Variants in ALDH3B1 observed in about 807,000 individuals in gnomAD.
ALDH3B1 encodes aldehyde dehydrogenase 3 family member B1, also known as aldehyde dehydrogenase family 3 member B1.
A neutral mutation model predicts 46.2 loss-of-function variants in ALDH3B1; 37 were observed. That is an observed-to-expected ratio of 0.80 (90% confidence interval 0.62 to 1.05). ALDH3B1 has a LOEUF of 1.05. Among genes scored for constraint, ALDH3B1 ranks in the 50% least tolerant of loss-of-function variants. The probability of loss-of-function intolerance (pLI) is 0.00; values close to 1 mark genes in which losing one functional copy is unlikely to be tolerated. For synonymous variants in ALDH3B1, 283 were observed against 281.0 expected (o/e 1.01, Z -0.07); for missense variants, 603 against 665.5 (o/e 0.91, Z 1.03).
Position 68,022,543 on chromosome 11 carries a change from G to T in ALDH3B1, c.950-52G>T, listed in dbSNP as rs1857525040. On this transcript the variant is annotated intron_variant, in intron 7 of 9. Transcript: ENST00000342456. ...CTGTCCCCACCTCTACCCCCACCCT[G>T]GGGGCGGTCCTGACTGTGGCCCCAG... 12 of 1,562,052 alleles carry T rather than the reference G, an allele frequency of 7.7e-6. No individual in the cohort carries two copies. The South Asian group carries it at 1.4e-4, about 18-fold the overall frequency.
intron 8 of ALDH3B1, 71 bp from the exon 9 acceptor site, chr11:68,025,938 G>A (rs1857611322): frequency 4.3e-6 from 5 of 1,169,370 alleles, no homozygotes; most frequent in Non-Finnish European, 5.9e-6. Flanking sequence ...GTCCAGCATG[G>A]AACAGGCTCT....
chr11:68,020,536 C>T (rs868522420), intron 6 of ALDH3B1, among the ~76,000 whole-genome samples: 1 of 152,162 alleles, frequency 6.6e-6, no homozygotes, highest in African/African-American at 2.4e-5. Context: ...CACCCGGCTT[C>T]GAGTTTTTGA....
At position 68,015,479 on chromosome 11, in the gene ALDH3B1, A is replaced by G; in HGVS notation, c.162+20A>G. On this transcript the variant is annotated intron_variant, in intron 2 of 9. Transcript: ENST00000342456. ...CACAAGGTGGGCTGGGGTTGGGGGT[A>G]TGAGAGGGTGCACTGGGGCAGGGGG... 6.4e-7 allele frequency: 1 copy of G among 1,565,152 alleles called. No individual in the cohort carries two copies. Among genetic ancestry groups the G allele is most frequent in the Non-Finnish European group, 8.7e-7 (1 of 1,155,248 alleles).
intron 8 of ALDH3B1, among the ~76,000 whole-genome samples, chr11:68,023,769 C>T (rs1050088173): frequency 1.3e-5 from 2 of 151,488 alleles, no homozygotes; most frequent in African/African-American, 4.8e-5. Flanking sequence ...GGGCTGGGCG[C>T]GGTGGCTCAC....
At position 68,015,465 on chromosome 11, in the gene ALDH3B1, C is replaced by A. The variant is rs749823581; in HGVS notation, c.162+6C>A. On this transcript the variant is annotated splice_donor_region_variant and intron_variant, in intron 2 of 9. Coordinates refer to ENST00000342456, the MANE Select transcript of ALDH3B1 (RefSeq NM_000694.4). ...TGGCCCAGGACCTGCACAAGGTGGG[C>A]TGGGGTTGGGGGTATGAGAGGGTGC... The A allele has an allele frequency of 1.3e-6, 2 of 1,567,786 alleles. No homozygotes were observed. Among genetic ancestry groups the A allele is most frequent in the Admixed American group, 1.9e-5 (1 of 53,084 alleles).
intron 8 of ALDH3B1, among the ~76,000 whole-genome samples, chr11:68,025,682 C>T (rs1285473236): frequency 6.6e-6 from 1 of 152,182 alleles, no homozygotes; most frequent in African/African-American, 2.4e-5. Flanking sequence ...CTGTCCAGTA[C>T]TGCCCTGCTG....
Position 68,015,475 on chromosome 11 carries a change from G to A in ALDH3B1, c.162+16G>A. On this transcript the variant is annotated intron_variant, in intron 2 of 9. Transcript: ENST00000342456. ...CCTGCACAAGGTGGGCTGGGGTTGG[G>A]GGTATGAGAGGGTGCACTGGGGCAG... 1 of 1,566,650 alleles carries A rather than the reference G, an allele frequency of 6.4e-7. No individual in the cohort carries two copies. Among genetic ancestry groups the A allele is most frequent in the Non-Finnish European group, 8.6e-7 (1 of 1,156,174 alleles).
chr11:68,019,924 G>T (rs1857450725), intron 6 of ALDH3B1, 128 bp downstream of exon 6: 4 of 1,075,964 alleles, frequency 3.7e-6, no homozygotes, highest in Non-Finnish European at 4.1e-6. Flanking sequence ...GGACCAGGCT[G>T]GGAGCAGTCC....
Position 68,021,341 on chromosome 11 carries a change from G to A in ALDH3B1, c.563-144G>A, listed in dbSNP as rs1304369208. On this transcript the variant is annotated intron_variant, in intron 6 of 9. Coordinates refer to ENST00000342456, the MANE Select transcript of ALDH3B1 (RefSeq NM_000694.4). ...TGAGCAGGGCCCTGGGCTGCAGGGT[G>A]GCAGTGAGGAACAAGGAAAGGCCAG... The A allele has an allele frequency of 7.4e-6, 9 of 1,218,304 alleles. No individual in the cohort carries two copies. In the East Asian group the frequency reaches 1.9e-4, roughly 26 times the overall value. The allele number at this position is 1,218,304 out of a possible 1,614,324, so 75.5% of individuals were successfully genotyped here. A position where few individuals can be genotyped will look rare whatever the true frequency, so the allele number is the denominator to read the frequency against.
chr11:68,023,606 C>A (rs1857555962), intron 8 of ALDH3B1, among the ~76,000 whole-genome samples: 1 of 151,944 alleles, frequency 6.6e-6, no homozygotes, highest in African/African-American at 2.4e-5. Flanking sequence ...TGCCCGGCCA[C>A]TTGAACTTTT....
intron 8 of ALDH3B1, among the ~76,000 whole-genome samples, chr11:68,022,995 C>A (rs1436113856): frequency 6.6e-6 from 1 of 152,214 alleles, no homozygotes; most frequent in East Asian, 1.9e-4. Flanking sequence ...GGGTATGGGC[C>A]TTCTCTAGGG....
chr11:68,015,546 C>G, intron 2 of ALDH3B1, 87 bp downstream of exon 2: 1 of 1,522,422 alleles, frequency 6.6e-7, no homozygotes, highest in African/African-American at 1.4e-5. Flanking sequence ...AAGACACCTG[C>G]GCCCTCCATG....
intron 8 of ALDH3B1, chr11:68,024,718 T>C (rs1444423276): frequency 6.6e-6 from 1 of 152,256 alleles, no homozygotes; most frequent in Non-Finnish European, 1.5e-5. Context: ...CGAAGCATAG[T>C]CTTAGCTGGA....
intron 1 of ALDH3B1, among the ~76,000 whole-genome samples, chr11:68,012,643 A>G (rs1857257494): frequency 6.6e-6 from 1 of 152,134 alleles, no homozygotes; most frequent in African/African-American, 2.4e-5. Flanking sequence ...GGCCGAGGAA[A>G]TGGAATCCAA....
chr11:68,018,571 C>T lies in ALDH3B1; in HGVS notation c.207C>T (p.Gly69=), dbSNP rs1396747657. The part of the protein sequence containing the change: ...SEVSEVAISQ[G]EVTLALRNLR... ...TGTCTGAGGTTGCCATCAGCCAGGG[C>T]GAGGTCACCCTGGCCCTCAGGAACC... is the stretch of plus-strand genomic sequence containing the variant. Residue 69 remains glycine, a synonymous_variant, in exon 3 of 10, where the codon GGC becomes GGT. Transcript: ENST00000342456. 3.2e-6 allele frequency: 5 copies of T among 1,584,228 alleles called. No homozygotes were observed. In the Admixed American group the frequency reaches 5.4e-5, roughly 17 times the overall value.
Position 68,022,679 on chromosome 11 carries a change from T to C in ALDH3B1, c.1034T>C (p.Val345Ala). The C allele has an allele frequency of 1.9e-6, 3 of 1,614,152 alleles. No homozygotes were observed. Among genetic ancestry groups the C allele is most frequent in the Non-Finnish European group, 2.5e-6 (3 of 1,180,004 alleles). The change falls in exon 8 of 10, where the codon GTG becomes GCG. Residue 345 changes from valine (V) to alanine (A), a missense_variant. Val to Ala is a moderately conservative substitution (Grantham distance 64, BLOSUM62 0). Coordinates refer to ENST00000342456, the MANE Select transcript of ALDH3B1 (RefSeq NM_000694.4). ...GGGCCCATCCTGCCCATCGTGAACG[T>C]GCAGAGCTTGGACGAGGCCATCGAG... ...IFGPILPIVNVQSLDEAIEFI... is the reference protein window; with the variant it reads ...IFGPILPIVNAQSLDEAIEFI...
rs761740175 is a variant in ALDH3B1 at position 68,028,263 on chromosome 11, G to A, written c.*324G>A. ...CTGAGTCACCCCTCTCCTGTGGAGC[G>A]GGCGTCCGAGGGGCCCTGGCATCTG... On this transcript the variant is annotated 3_prime_UTR_variant, in exon 10 of 10. Transcript: ENST00000342456. 84 of 478,024 alleles carry A rather than the reference G, an allele frequency of 1.8e-4. No homozygotes were observed. Among genetic ancestry groups the A allele is most frequent in the Non-Finnish European group, 3.1e-4 (76 of 248,234 alleles). The allele number at this position is 478,024 out of a possible 1,614,324, so 29.6% of individuals were successfully genotyped here.
Position 68,011,572 on chromosome 11 carries a change from T to C in ALDH3B1, c.-2+1180T>C, listed in dbSNP as rs1857230542. 5.3e-5 allele frequency among the ~76,000 whole-genome samples: 8 copies of C among 152,250 alleles called. No homozygotes were observed. The South Asian group carries it at 1.7e-3, about 31-fold the overall frequency. ...TCATGTTTGTTTAATGAAGCTACACTGCAGGAGATCAGAATCGGAGACCCT... is the reference window on the plus strand; with the variant it reads ...TCATGTTTGTTTAATGAAGCTACACCGCAGGAGATCAGAATCGGAGACCCT... On this transcript the variant is annotated intron_variant, in intron 1 of 9. Transcript: ENST00000342456.
In ALDH3B1 at chr11:68,022,781, G is replaced by A; in HGVS notation, c.1116+20G>A. 1 of 1,613,226 alleles carries A rather than the reference G, an allele frequency of 6.2e-7. No individual in the cohort carries two copies. Among genetic ancestry groups the A allele is most frequent in the Non-Finnish European group, 8.5e-7 (1 of 1,179,792 alleles). ...AGCCAGGTGGGGGTGCGGCCGGGCT[G>A]GGCAGGGTCAGGAGCCCGCAGTGGG... On this transcript the variant is annotated intron_variant, in intron 8 of 9. Coordinates refer to ENST00000342456, the MANE Select transcript of ALDH3B1 (RefSeq NM_000694.4).
Sources: gnomAD v4.1 joint callset for allele counts (sites outside exome capture counted in the v4.1 genomes callset) on GRCh38, gnomAD v4.1.1 for gene constraint, MANE v1.5 for transcripts, NCBI Gene and HGNC (gene_info 2026-07-23, HGNC 2026-07-21) for gene names.